UBE4B: variants seen among roughly 807,000 people sequenced by gnomAD.
UBE4B encodes the protein ubiquitin conjugation factor E4 B.
UBE4B carries 27 observed loss-of-function variants against 148.1 expected under a neutral mutation model. The observed-to-expected ratio is 0.18, with a 90% confidence interval of 0.13 to 0.25. The LOEUF (loss-of-function observed/expected upper bound fraction) is 0.25, where lower values mean the gene tolerates loss of function less well. UBE4B is among the 10% of genes least tolerant of loss of function. The pLI, the probability that UBE4B is intolerant of heterozygous loss-of-function variation, is 1.00. For missense variants in UBE4B, 1,170 were observed against 1,662.4 expected (o/e 0.70, Z 5.15); for synonymous variants, 596 against 619.3 (o/e 0.96, Z 0.56).
At chr1:10,143,956 G>C (rs1484701541) in intron 17 of UBE4B, among the ~76,000 whole-genome samples, 1 of 152,190 alleles carries the variant, frequency 6.6e-6, no homozygotes, top group Non-Finnish European at 1.5e-5. Flanking sequence ...GTTCATCTTG[G>C]TGAAAACTAG....
chr1:10,072,621 T>G, intron 2 of UBE4B: 1 of 639,840 alleles, frequency 1.6e-6, no homozygotes, highest in Non-Finnish European at 2.8e-6. Flanking sequence ...CATTCTGCAT[T>G]GGCACAGAAC....
intron 22 of UBE4B, among the ~76,000 whole-genome samples, chr1:10,160,684 T>C (rs370876464): frequency 2.1e-4 from 32 of 152,182 alleles, no homozygotes; most frequent in African/African-American, 7.7e-4. Context: ...TGGTGGCTCA[T>C]CTCTGTAATC....
In UBE4B at chr1:10,155,248, C is replaced by T. The variant is rs142863080; in HGVS notation, c.2927-3108C>T. Among the ~76,000 whole-genome samples, 5 of 152,250 alleles carry T rather than the reference C, an allele frequency of 3.3e-5. No homozygotes were observed. The East Asian group carries it at 9.7e-4, about 29-fold the overall frequency. Reference sequence around the variant, plus strand: ...TCTCTTTCCTCTTTGCCATGTGTGCCCTCTGGCCTGGACCACCTCTTCAGT... The same window carrying T: ...TCTCTTTCCTCTTTGCCATGTGTGCTCTCTGGCCTGGACCACCTCTTCAGT... On this transcript the variant is annotated intron_variant, in intron 21 of 27. Coordinates refer to ENST00000343090, the MANE Select transcript of UBE4B (RefSeq NM_001105562.3).
intron 1 of UBE4B, among the ~76,000 whole-genome samples, chr1:10,057,475 G>T (rs1644196560): frequency 6.9e-6 from 1 of 145,134 alleles, no homozygotes. Context: ...GGAGTGCAGT[G>T]GCGTGATCAT....
chr1:10,117,122 A>G (rs780601809), intron 7 of UBE4B, among the ~76,000 whole-genome samples: 10 of 152,210 alleles, frequency 6.6e-5, no homozygotes, highest in Non-Finnish European at 1.2e-4. Flanking sequence ...GCTTTAACCT[A>G]CAGCCCTCTG....
chr1:10,179,156 G>T, intron 26 of UBE4B: 1 of 497,112 alleles, frequency 2.0e-6, no homozygotes, highest in Non-Finnish European at 3.5e-6. Flanking sequence ...AGCCTGTGGG[G>T]CCTGCTGCTG....
chr1:10,050,053 TG>T (rs770713686), intron 1 of UBE4B, among the ~76,000 whole-genome samples: 8 of 152,120 alleles, frequency 5.3e-5, no homozygotes. Flanking sequence ...TATGGGATAT[TG>T]GTAGCTGCTT....
intron 14 of UBE4B, 117 bp downstream of exon 14, chr1:10,130,930 G>A (rs916565217): frequency 2.4e-6 from 2 of 826,590 alleles, no homozygotes; most frequent in East Asian, 2.5e-5. Context: ...AAGCCAATTC[G>A]ATCTTACATA....
chr1:10,044,946 A>G (rs1570770706), intron 1 of UBE4B, among the ~76,000 whole-genome samples: 1 of 152,182 alleles, frequency 6.6e-6, no homozygotes, highest in Non-Finnish European at 1.5e-5. Context: ...ACAACCCACC[A>G]TAATGTAGAA....
intron 3 of UBE4B, among the ~76,000 whole-genome samples, chr1:10,100,675 C>G (rs542137495): frequency 6.6e-6 from 1 of 152,330 alleles, no homozygotes; most frequent in South Asian, 2.1e-4. Flanking sequence ...CTGCATCAGC[C>G]TGCCGAGTAG....
chr1:10,135,111 C>A lies in UBE4B; in HGVS notation c.2149C>A (p.Arg717=), dbSNP rs1645656783. Residue 717 remains arginine, a synonymous_variant, in exon 16 of 28, where the codon CGG becomes AGG. Transcript: ENST00000343090. ...DPTYIFHPRC[R]ITLPNDETRV... is the part of the protein sequence containing the mutation. ...CACGTATATTTTTCACCCAAGATGT[C>A]GGATTACTCTTCCCAATGATGAGAC... 1 of 1,613,936 alleles carries A rather than the reference C, an allele frequency of 6.2e-7. No individual in the cohort carries two copies. Among genetic ancestry groups the A allele is most frequent in the Non-Finnish European group, 8.5e-7 (1 of 1,179,976 alleles).
intron 1 of UBE4B, among the ~76,000 whole-genome samples, chr1:10,034,489 A>G (rs1053732905): frequency 1.3e-5 from 2 of 151,816 alleles, no homozygotes; most frequent in Non-Finnish European, 2.9e-5. Flanking sequence ...AAAAAAAAAA[A>G]CAACCAAAAA....
intron 1 of UBE4B, among the ~76,000 whole-genome samples, chr1:10,047,554 G>A (rs576863308): frequency 1.8e-4 from 26 of 147,806 alleles, no homozygotes; most frequent in African/African-American, 3.5e-4. Context: ...GTGTAGTGGC[G>A]TGATCTCGGC....
chr1:10,114,079 G>GAAA, intron 7 of UBE4B, among the ~76,000 whole-genome samples: 1 of 111,848 alleles, frequency 8.9e-6, no homozygotes, highest in Non-Finnish European at 1.9e-5. Context: ...AAAAAAAAAA[G>GAAA]AAAAAAAAAA....
At chr1:10,034,475 T>C (rs1213329612) in intron 1 of UBE4B, among the ~76,000 whole-genome samples, 1 of 145,304 alleles carries the variant, frequency 6.9e-6, no homozygotes, top group Non-Finnish European at 1.5e-5. Flanking sequence ...AATTAGGTTG[T>C]TGTAAAAAAA....
intron 1 of UBE4B, among the ~76,000 whole-genome samples, chr1:10,051,129 C>T (rs1375284435): frequency 2.0e-5 from 3 of 152,176 alleles, no homozygotes; most frequent in Non-Finnish European, 4.4e-5. Context: ...GCCTCAGCCT[C>T]CTGAATAGCT....
At chr1:10,117,636 C>T in intron 8 of UBE4B, 36 bp downstream of exon 8, 1 of 1,503,660 alleles carries the variant, frequency 6.7e-7, no homozygotes. Context: ...AAAAAAAAAG[C>T]CTAGTTATTT....
At chr1:10,152,145 A>T (rs908427939) in intron 21 of UBE4B, among the ~76,000 whole-genome samples, 50 of 151,922 alleles carry the variant, frequency 3.3e-4, no homozygotes, top group African/African-American at 1.2e-3. Flanking sequence ...AGGTGCCTGT[A>T]GTCCCAGGGC....
chr1:10,127,829 A>G (rs2101936422), intron 11 of UBE4B, among the ~76,000 whole-genome samples: 1 of 152,364 alleles, frequency 6.6e-6, no homozygotes, highest in South Asian at 2.1e-4. Context: ...GCTACAGCGC[A>G]ACAGTTGAAC....
Sources: gnomAD v4.1 joint callset for allele counts (sites outside exome capture counted in the v4.1 genomes callset) on GRCh38, gnomAD v4.1.1 for gene constraint, MANE v1.5 for transcripts, NCBI Gene and HGNC (gene_info 2026-07-23, HGNC 2026-07-21) for gene names.